Variants in TNFSF13B observed in about 807,000 individuals in gnomAD.
TNFSF13B encodes the protein TNF superfamily member 13b.
In TNFSF13B, 8 loss-of-function variants were observed where a neutral mutation model predicts 29.1. The observed-to-expected ratio is 0.27, with a 90% CI of 0.16 to 0.50. TNFSF13B has a LOEUF of 0.50. Among genes scored for constraint, TNFSF13B ranks in the 20% least tolerant of loss-of-function variants. TNFSF13B has a pLI of 0.98. For synonymous variants in TNFSF13B, 125 were observed against 130.8 expected (o/e 0.96, Z 0.30); for missense variants, 248 against 334.9 (o/e 0.74, Z 2.03).
intron 3 of TNFSF13B, among the ~76,000 whole-genome samples, chr13:108,290,091 C>T (rs1401031022): frequency 6.6e-6 from 1 of 152,126 alleles, no homozygotes; most frequent in Non-Finnish European, 1.5e-5. Context: ...TGTAGCTCTG[C>T]TTCCCTCCTT....
At position 108,270,371 on chromosome 13, in the gene TNFSF13B, A is replaced by G; in HGVS notation, c.371A>G (p.Asn124Ser). ...GAACCACCAGCTCCAGGAGAAGGCA[A>G]CTCCAGTCAGAACAGCAGAAATAAG... is the stretch of plus-strand genomic sequence containing the variant. ...IFEPPAPGEG[N>S]SSQNSRNKRA... Residue 124 changes from asparagine to serine, a missense_variant, in exon 2 of 6, where the codon AAC becomes AGC. Physicochemically the swap from Asn to Ser is conservative, Grantham distance 46 (BLOSUM62 1). Around this residue, in one of 2 missense-constraint regions of TNFSF13B, gnomAD observed 186 missense variants for 196.3 expected, o/e 0.95. Coordinates refer to ENST00000375887, the MANE Select transcript of TNFSF13B (RefSeq NM_006573.5). 1 of 1,614,090 alleles carries G rather than the reference A, an allele frequency of 6.2e-7. No individual in the cohort carries two copies. The highest frequency in any genetic ancestry group is 8.5e-7 in the Non-Finnish European group (1 of 1,179,986).
At chr13:108,295,294 C>T (rs1443835772) in intron 3 of TNFSF13B, among the ~76,000 whole-genome samples, 2 of 145,374 alleles carry the variant, frequency 1.4e-5, no homozygotes, top group Non-Finnish European at 3.1e-5. Flanking sequence ...CCTGCCTCAG[C>T]CTCCCAAGTA....
intron 3 of TNFSF13B, among the ~76,000 whole-genome samples, chr13:108,302,465 A>G (rs1186116127): frequency 6.6e-6 from 1 of 152,176 alleles, no homozygotes; most frequent in African/African-American, 2.4e-5. Flanking sequence ...ATTCACAGGA[A>G]AGGAATGTCT....
At chr13:108,275,474 T>C (rs1310725521) in intron 2 of TNFSF13B, among the ~76,000 whole-genome samples, 2 of 152,072 alleles carry the variant, frequency 1.3e-5, no homozygotes, top group Admixed American at 6.6e-5. Flanking sequence ...ACAAAATTAT[T>C]TTTATTGATA....
At chr13:108,300,077 T>G (rs1368489953) in intron 3 of TNFSF13B, among the ~76,000 whole-genome samples, 1 of 152,158 alleles carries the variant, frequency 6.6e-6, no homozygotes, top group Non-Finnish European at 1.5e-5. Flanking sequence ...CTAGCCAGAA[T>G]GTAAACAAGT....
chr13:108,303,746 T>G (rs1483666666), intron 5 of TNFSF13B, 142 bp downstream of exon 5: 11 of 865,466 alleles, frequency 1.3e-5, no homozygotes, highest in African/African-American at 6.9e-5. Flanking sequence ...ATTGTGTTTT[T>G]TAAATCTTGA....
At chr13:108,295,139 T>C (rs1347894497) in intron 3 of TNFSF13B, among the ~76,000 whole-genome samples, 3 of 145,480 alleles carry the variant, frequency 2.1e-5, no homozygotes, top group African/African-American at 7.8e-5. Context: ...TTTTTGTTCA[T>C]ATTTTTCAAA....
Position 108,280,878 on chromosome 13 carries a change from G to A in TNFSF13B, c.425-5925G>A, listed in dbSNP as rs1427857754. The stretch of plus-strand genomic sequence containing the variant: ...TCTGTCTATACAAACACACACACAC[G>A]CAAGTTACAGAAAATTATCATTTGA... On this transcript the variant is annotated intron_variant, in intron 2 of 5. Coordinates refer to ENST00000375887, the MANE Select transcript of TNFSF13B (RefSeq NM_006573.5). Among the ~76,000 whole-genome samples the A allele has an allele frequency of 2.6e-5, 4 of 152,212 alleles. 1 individual carries two copies. Among genetic ancestry groups the A allele is most frequent in the Admixed American group, 1.3e-4 (2 of 15,284 alleles).
chr13:108,270,978 C>A (rs907425118), intron 2 of TNFSF13B, among the ~76,000 whole-genome samples: 3 of 151,646 alleles, frequency 2.0e-5, no homozygotes, highest in Non-Finnish European at 4.4e-5. Context: ...CACGCACAGA[C>A]ACACACACAG....
Position 108,269,798 on chromosome 13 carries a change from T to G in TNFSF13B, c.-98T>G, listed in dbSNP as rs1313482196. On this transcript the variant is annotated 5_prime_UTR_variant, in exon 1 of 6. Coordinates refer to ENST00000375887, the MANE Select transcript of TNFSF13B (RefSeq NM_006573.5). ...GGGTGAGCCAAGCCCTGCCATGTAG[T>G]GCACGCAGGACATCAACAAACACAG... is the stretch of plus-strand genomic sequence containing the variant. 8.6e-7 allele frequency: 1 copy of G among 1,162,432 alleles called. No homozygotes were observed. Among genetic ancestry groups the G allele is most frequent in the Non-Finnish European group, 1.2e-6 (1 of 820,992 alleles). 72.0% of individuals were successfully genotyped at this position (1,162,432 alleles called of 1,614,324 possible).
intron 2 of TNFSF13B, among the ~76,000 whole-genome samples, chr13:108,279,665 C>T (rs1440234002): frequency 1.3e-5 from 2 of 152,036 alleles, no homozygotes; most frequent in Non-Finnish European, 2.9e-5. Flanking sequence ...CAAATTTGCA[C>T]TTAGAAAGAT....
intron 3 of TNFSF13B, chr13:108,301,222 A>G (rs966502084): frequency 1.3e-5 from 2 of 152,204 alleles, no homozygotes; most frequent in Admixed American, 6.6e-5. Context: ...AGAAAATGAA[A>G]TCAGTGTGTC....
At chr13:108,286,751 T>C in intron 2 of TNFSF13B, 52 bp from the exon 3 acceptor site, 2 of 1,278,576 alleles carry the variant, frequency 1.6e-6, no homozygotes, top group South Asian at 2.6e-5. Context: ...TGTTCTCAGT[T>C]TCTTTATTAT....
intron 3 of TNFSF13B, among the ~76,000 whole-genome samples, chr13:108,289,347 C>T (rs73611009): frequency 0.022 from 3,297 of 151,972 alleles, 45 homozygotes; most frequent in Middle Eastern, 0.034. Flanking sequence ...TTAGGATGGA[C>T]AGGTTGCCCT....
At chr13:108,280,528 G>C (rs1311491542) in intron 2 of TNFSF13B, among the ~76,000 whole-genome samples, 2 of 152,166 alleles carry the variant, frequency 1.3e-5, no homozygotes, top group Non-Finnish European at 2.9e-5. Flanking sequence ...TGAAGCTACT[G>C]TTCTTCACTG....
intron 3 of TNFSF13B, among the ~76,000 whole-genome samples, chr13:108,293,889 G>A (rs1317315564): frequency 6.6e-6 from 1 of 152,114 alleles, no homozygotes; most frequent in Non-Finnish European, 1.5e-5. Context: ...TTCTTATAAG[G>A]ACATTAACCC....
In TNFSF13B at chr13:108,269,762, ACT is replaced by A; in HGVS notation, c.-130_-129del. 3.8e-6 allele frequency: 3 copies of A among 799,896 alleles called. No individual in the cohort carries two copies. The highest frequency in any genetic ancestry group is 6.0e-6 in the Non-Finnish European group (3 of 501,546). The allele number at this position is 799,896 out of a possible 1,614,324, so 49.5% of individuals were successfully genotyped here. The stretch of plus-strand genomic sequence containing the variant: ...GGCAGAAAGGAGAAAATTCAGGATA[ACT>A]CTCCTGAGGGGTGAGCCAAGCCCTG... On this transcript the variant is annotated 5_prime_UTR_variant, in exon 1 of 6. An upstream open reading frame in the 5' UTR gains an earlier in-frame stop. Coordinates refer to ENST00000375887, the MANE Select transcript of TNFSF13B (RefSeq NM_006573.5).
At chr13:108,305,805 A>G (rs1431949627) in intron 5 of TNFSF13B, among the ~76,000 whole-genome samples, 2 of 152,162 alleles carry the variant, frequency 1.3e-5, no homozygotes, top group Non-Finnish European at 2.9e-5. Context: ...GCTGGTACAT[A>G]GTAAATGTTC....
chr13:108,280,068 G>GC (rs1414733510), intron 2 of TNFSF13B, among the ~76,000 whole-genome samples: 1 of 126,770 alleles, frequency 7.9e-6, no homozygotes, highest in East Asian at 2.6e-4. Context: ...GATGGCGTCT[G>GC]CTTTTTTTTT....
Sources: allele counts gnomAD v4.1 joint callset (sites outside exome capture counted in the v4.1 genomes callset), GRCh38; gene constraint gnomAD v4.1.1; regional missense constraint gnomAD v4.1.1; transcripts MANE v1.5; gene names NCBI Gene and HGNC (gene_info 2026-07-23, HGNC 2026-07-21).